TPST2: variants seen among roughly 807,000 people sequenced by gnomAD.
TPST2 encodes the protein protein-tyrosine sulfotransferase 2.
Under a neutral mutation model 27.8 loss-of-function variants are expected in TPST2, and 16 were observed. The ratio of observed to expected loss-of-function variants is 0.58; its 90% CI spans 0.39 to 0.88. TPST2 has a LOEUF of 0.88. TPST2 is among the 40% of genes least tolerant of loss of function. The pLI is 0.00. For synonymous variants in TPST2, 229 were observed against 231.7 expected (o/e 0.99, Z 0.10); for missense variants, 464 against 543.1 (o/e 0.85, Z 1.45).
chr22:26,572,541 G>T (rs2267096), intron 1 of TPST2, among the ~76,000 whole-genome samples: 70,696 of 151,854 alleles, frequency 0.47, 17,117 homozygotes, highest in East Asian at 0.74. Context: ...CTAATAGATG[G>T]GTCCATACCC....
intron 6 of TPST2, 94 bp downstream of exon 6, chr22:26,528,118 GGA>G: frequency 7.0e-7 from 1 of 1,431,052 alleles, no homozygotes; most frequent in Non-Finnish European, 9.6e-7. Flanking sequence ...TCTACCCCAG[GGA>G]GGCTCTGGAA....
intron 1 of TPST2, among the ~76,000 whole-genome samples, chr22:26,557,541 G>A (rs1372058443): frequency 6.6e-6 from 1 of 152,132 alleles, no homozygotes; most frequent in Non-Finnish European, 1.5e-5. Context: ...CAGGAAAAGT[G>A]GGGAAAGGAG....
chr22:26,584,072 G>C (rs1602309212), intron 1 of TPST2, among the ~76,000 whole-genome samples: 1 of 152,364 alleles, frequency 6.6e-6, no homozygotes, highest in East Asian at 1.9e-4. Flanking sequence ...TTTTTCTCTA[G>C]AAATGTTTGA....
intron 1 of TPST2, among the ~76,000 whole-genome samples, chr22:26,583,049 T>C (rs371480388): frequency 9.6e-5 from 14 of 146,580 alleles, no homozygotes; most frequent in Middle Eastern, 3.5e-3. Context: ...GAGGCAGAGG[T>C]TGCAGTGAGC....
At chr22:26,551,017 G>C (rs1926440631) in intron 1 of TPST2, among the ~76,000 whole-genome samples, 1 of 152,244 alleles carries the variant, frequency 6.6e-6, no homozygotes, top group Admixed American at 6.5e-5. Context: ...GCTCACGCCA[G>C]GCATGGTGGC....
At chr22:26,556,952 C>A (rs1926835640) in intron 1 of TPST2, among the ~76,000 whole-genome samples, 1 of 152,260 alleles carries the variant, frequency 6.6e-6, no homozygotes, top group Non-Finnish European at 1.5e-5. Context: ...GGAGCAGCGG[C>A]TCATGCCTGT....
At chr22:26,544,791 GAGA>G (rs1331746528) in intron 1 of TPST2, 116 bp from the exon 2 acceptor site, 5 of 444,212 alleles carry the variant, frequency 1.1e-5, no homozygotes, top group African/African-American at 2.1e-5. Flanking sequence ...TGACATTTGG[GAGA>G]AGGACTCTGG....
chr22:26,527,562 T>C (rs1924910231), intron 6 of TPST2, among the ~76,000 whole-genome samples: 1 of 152,244 alleles, frequency 6.6e-6, no homozygotes, highest in Admixed American at 6.5e-5. Flanking sequence ...TAGTAGAATA[T>C]GGATGGATAA....
intron 1 of TPST2, among the ~76,000 whole-genome samples, chr22:26,576,252 G>A (rs539238254): frequency 1.2e-4 from 18 of 152,140 alleles, no homozygotes; most frequent in South Asian, 6.2e-4. Flanking sequence ...CACTGACAAC[G>A]ATGGAGCTGG....
Position 26,560,479 on chromosome 22 carries a change from G to A in TPST2, c.-160-15804C>T, listed in dbSNP as rs568477937. On this transcript the variant is annotated intron_variant, in intron 1 of 6. Transcript: ENST00000338754. ...GACAGCGCCGGGGCAAGTGAGAGCC[G>A]GACGGGCACTGGGCGACTGTGCCTC... 66 of 758,006 alleles carry A rather than the reference G, an allele frequency of 8.7e-5. 1 individual carries two copies. Among genetic ancestry groups the A allele is most frequent in the African/African-American group, 3.3e-4 (19 of 58,054 alleles). 47.0% of individuals were successfully genotyped at this position (758,006 alleles called of 1,614,324 possible). A position where few individuals can be genotyped will look rare whatever the true frequency, so the allele number is the denominator to read the frequency against.
At chr22:26,538,247 G>A (rs929695467) in intron 3 of TPST2, among the ~76,000 whole-genome samples, 3 of 152,200 alleles carry the variant, frequency 2.0e-5, no homozygotes, top group African/African-American at 7.2e-5. Context: ...AAAGGGTGTG[G>A]ACTGGTGGGT....
chr22:26,569,013 A>G (rs1032044059), intron 1 of TPST2, among the ~76,000 whole-genome samples: 5 of 151,770 alleles, frequency 3.3e-5, no homozygotes, highest in East Asian at 1.9e-4. Flanking sequence ...ACAGGCGCCC[A>G]CCACCACGCT....
intron 1 of TPST2, among the ~76,000 whole-genome samples, chr22:26,568,507 G>A (rs575481215): frequency 1.3e-5 from 2 of 152,258 alleles, no homozygotes; most frequent in South Asian, 4.1e-4. Context: ...TAAAGAAGCC[G>A]GACAAAACCG....
At chr22:26,536,702 G>T (rs1925492338) in intron 3 of TPST2, among the ~76,000 whole-genome samples, 1 of 152,170 alleles carries the variant, frequency 6.6e-6, no homozygotes, top group Admixed American at 6.6e-5. Context: ...GAAGTCAGAA[G>T]AAAGTACTAG....
chr22:26,560,486 C>A (rs1321977198), intron 1 of TPST2: 4 of 772,942 alleles, frequency 5.2e-6, no homozygotes, highest in Non-Finnish European at 8.9e-6. Context: ...GCCGGACGGG[C>A]ACTGGGCGAC....
At chr22:26,579,880 T>G (rs1602305102) in intron 1 of TPST2, among the ~76,000 whole-genome samples, 5 of 114,784 alleles carry the variant, frequency 4.4e-5, no homozygotes, top group African/African-American at 1.0e-4. Flanking sequence ...ACAGAAAGAG[T>G]GACAGAGACA....
Position 26,590,083 on chromosome 22 carries a change from C to G in TPST2, c.-191G>C, listed in dbSNP as rs898638318. The G allele has an allele frequency of 3.3e-5, 5 of 151,906 alleles. No individual in the cohort carries two copies. The highest frequency in any genetic ancestry group is 4.8e-5 in the African/African-American group (2 of 41,404). The allele number at this position is 151,906 out of a possible 1,614,324, so 9.4% of individuals were successfully genotyped here. The stretch of plus-strand genomic sequence containing the variant: ...CGAGACGCGGCGAGGCAGCCCCACG[C>G]ACCCAGCGACTCCCGGCTCTCCAGC... On this transcript the variant is annotated 5_prime_UTR_variant, in exon 1 of 7. Coordinates refer to ENST00000338754, the MANE Select transcript of TPST2 (RefSeq NM_003595.5).
chr22:26,572,857 T>C (rs1252159584), intron 1 of TPST2, among the ~76,000 whole-genome samples: 1 of 152,170 alleles, frequency 6.6e-6, no homozygotes, highest in Non-Finnish European at 1.5e-5. Flanking sequence ...TTTTATTTTT[T>C]TCAGGTCATT....
At chr22:26,579,063 G>A (rs1302053856) in intron 1 of TPST2, among the ~76,000 whole-genome samples, 1 of 152,078 alleles carries the variant, frequency 6.6e-6, no homozygotes, top group Non-Finnish European at 1.5e-5. Flanking sequence ...TGTTGCTCAG[G>A]CTGGTCTTGA....
Sources: allele counts gnomAD v4.1 joint callset (sites outside exome capture counted in the v4.1 genomes callset), GRCh38; gene constraint gnomAD v4.1.1; transcripts MANE v1.5; gene names NCBI Gene and HGNC (gene_info 2026-07-23, HGNC 2026-07-21).